The following DPY19L2 variants were observed in gnomAD, a reference collection of about 807,000 sequenced individuals.
DPY19L2 encodes probable C-mannosyltransferase DPY19L2.
DPY19L2 carries 34 observed loss-of-function variants against 97.9 expected under a neutral mutation model. That is an observed-to-expected ratio of 0.35 (90% CI 0.26 to 0.46). The LOEUF (loss-of-function observed/expected upper bound fraction) is 0.46, where lower values mean the gene tolerates loss of function less well. DPY19L2 is among the 20% of genes least tolerant of loss of function. DPY19L2 has a pLI of 1.00. For missense variants in DPY19L2, 623 were observed against 911.4 expected, an observed-to-expected ratio of 0.68 and a Z score of 4.07; for synonymous variants, 230 against 307.9, an observed-to-expected ratio of 0.75 and a Z score of 2.65.
At chr12:63,627,992 T>C (rs1427609114) in intron 6 of DPY19L2, among the ~76,000 whole-genome samples, 4 of 152,012 alleles carry the variant, frequency 2.6e-5, no homozygotes, top group Admixed American at 1.3e-4. Context: ...GAGGAAGAAA[T>C]TGAAAGAAAG....
In DPY19L2 at chr12:63,668,262, G is replaced by T; in HGVS notation, c.132C>A (p.Gly44=). 1 of 1,613,824 alleles carries T rather than the reference G, an allele frequency of 6.2e-7. No individual in the cohort carries two copies. Among genetic ancestry groups the T allele is most frequent in the Non-Finnish European group, 8.5e-7 (1 of 1,179,854 alleles). ...EEEMEKSALG[G]GKLPRGSWRS... ...TCCAGGAGCCCCTTGGCAGTTTCCC[G>T]CCGCCTAGGGCCGACTTTTCCATCT... The change falls in exon 1 of 22, where the codon GGC becomes GGA. Residue 44 remains glycine (G), a synonymous_variant. Transcript: ENST00000324472.
intron 6 of DPY19L2, 135 bp from the exon 7 acceptor site, chr12:63,626,661 C>G: frequency 8.5e-7 from 1 of 1,176,046 alleles, no homozygotes; most frequent in East Asian, 2.7e-5. Flanking sequence ...TAAACCATAC[C>G]CATGTGGTTG....
At chr12:63,649,450 G>C (rs1371998466) in intron 4 of DPY19L2, among the ~76,000 whole-genome samples, 2 of 151,930 alleles carry the variant, frequency 1.3e-5, no homozygotes, top group African/African-American at 4.8e-5. Context: ...TAAAGAAAAA[G>C]AGAGAGAAGA....
chr12:63,622,800 C>T (rs1888897438), intron 8 of DPY19L2, among the ~76,000 whole-genome samples: 1 of 152,028 alleles, frequency 6.6e-6, no homozygotes, highest in Non-Finnish European at 1.5e-5. Context: ...GTGGCGTGCA[C>T]CTGTAATCCC....
At chr12:63,630,882 G>A (rs1386651651) in intron 6 of DPY19L2, among the ~76,000 whole-genome samples, 2 of 152,134 alleles carry the variant, frequency 1.3e-5, no homozygotes, top group African/African-American at 4.8e-5. Flanking sequence ...AGACGGCAGT[G>A]CAATCAAACT....
chr12:63,598,946 G>A (rs1456698234), intron 13 of DPY19L2, among the ~76,000 whole-genome samples: 4 of 151,596 alleles, frequency 2.6e-5, no homozygotes, highest in Non-Finnish European at 4.4e-5. Flanking sequence ...GCCCAGGCAG[G>A]CGGATCACTT....
rs980257427 is a variant in DPY19L2 at position 63,663,982 on chromosome 12, T to C, written c.363-137A>G. The C allele has an allele frequency of 3.4e-5, 21 of 625,016 alleles. No homozygotes were observed. The African/African-American group carries it at 4.0e-4, about 12-fold the overall frequency. 38.7% of individuals were successfully genotyped at this position (625,016 alleles called of 1,614,324 possible). On this transcript the variant is annotated intron_variant, in intron 2 of 21. Transcript: ENST00000324472. Reference sequence around the variant, plus strand: ...TATAATTTGCTTACTAACTTGTATGTTTTTCAGCATTTATAATCCAGTATG... The same window carrying C: ...TATAATTTGCTTACTAACTTGTATGCTTTTCAGCATTTATAATCCAGTATG...
At position 63,582,618 on chromosome 12, in the gene DPY19L2, G is replaced by C. The variant is rs1232426252; in HGVS notation, c.1606-93C>G. On this transcript the variant is annotated intron_variant, in intron 17 of 21. Transcript: ENST00000324472. ...AAAACTATATTATTCATTAAGACAA[G>C]GATCTTCTAACTTAGTAATAAGCCT... 20 of 1,316,106 alleles carry C rather than the reference G, an allele frequency of 1.5e-5. No individual in the cohort carries two copies. The African/African-American group carries it at 2.2e-4, about 15-fold the overall frequency. The allele number at this position is 1,316,106 out of a possible 1,614,324, so 81.5% of individuals were successfully genotyped here.
At chr12:63,600,643 T>C (rs1043831812) in intron 12 of DPY19L2, among the ~76,000 whole-genome samples, 4 of 113,714 alleles carry the variant, frequency 3.5e-5, no homozygotes, top group African/African-American at 1.0e-4. Context: ...TCTTAAGGAG[T>C]GAAAGGTTAA....
chr12:63,655,454 T>C (rs925586550), intron 4 of DPY19L2, among the ~76,000 whole-genome samples: 1 of 152,126 alleles, frequency 6.6e-6, no homozygotes, highest in African/African-American at 2.4e-5. Flanking sequence ...CAACTCCATA[T>C]TCCAGGAAGT....
chr12:63,642,520 A>G (rs142172151), intron 6 of DPY19L2, among the ~76,000 whole-genome samples: 12 of 152,194 alleles, frequency 7.9e-5, no homozygotes, highest in Admixed American at 2.0e-4. Context: ...TCCTTGCTCC[A>G]TATGATCTCC....
chr12:63,583,800 T>C lies in DPY19L2; in HGVS notation c.1605+12A>G, dbSNP rs370598451. The C allele has an allele frequency of 3.1e-6, 5 of 1,610,410 alleles. No homozygotes were observed. The African/African-American group carries it at 6.7e-5, about 22-fold the overall frequency. ...TACACAAGTCTACCAGAGATTAAAA[T>C]GAAAGCTTTACCTCACTGTGTTCAA... On this transcript the variant is annotated intron_variant, in intron 17 of 21. Coordinates refer to ENST00000324472, the MANE Select transcript of DPY19L2 (RefSeq NM_173812.5).
intron 6 of DPY19L2, among the ~76,000 whole-genome samples, chr12:63,642,715 C>T (rs971612679): frequency 2.0e-5 from 3 of 151,720 alleles, no homozygotes; most frequent in East Asian, 1.9e-4. Flanking sequence ...CTTCATAATA[C>T]AGCAACAATT....
chr12:63,629,236 C>A (rs1486915579), intron 6 of DPY19L2, among the ~76,000 whole-genome samples: 2 of 152,046 alleles, frequency 1.3e-5, no homozygotes, highest in African/African-American at 4.8e-5. Context: ...GACGAGTTGA[C>A]AGAAGAAGGC....
chr12:63,575,792 C>A (rs952329426), intron 19 of DPY19L2, among the ~76,000 whole-genome samples: 1 of 151,894 alleles, frequency 6.6e-6, no homozygotes, highest in Non-Finnish European at 1.5e-5. Flanking sequence ...GAGATCAAAT[C>A]TCTAATCAAA....
intron 12 of DPY19L2, among the ~76,000 whole-genome samples, chr12:63,607,786 C>T (rs1371990754): frequency 6.6e-6 from 1 of 152,068 alleles, no homozygotes; most frequent in African/African-American, 2.4e-5. Context: ...GCTCATGCCA[C>T]CATGCCCAAC....
At chr12:63,605,436 TC>T (rs1426637282) in intron 12 of DPY19L2, among the ~76,000 whole-genome samples, 1 of 152,204 alleles carries the variant, frequency 6.6e-6, no homozygotes, top group Non-Finnish European at 1.5e-5. Context: ...GTGGTGTTTT[TC>T]TGTGCGTTCT....
chr12:63,588,541 A>T (rs1000181616), intron 16 of DPY19L2, among the ~76,000 whole-genome samples: 7 of 152,226 alleles, frequency 4.6e-5, no homozygotes, highest in African/African-American at 1.4e-4. Flanking sequence ...ATTCTTACCA[A>T]ATTTTAAAAA....
At chr12:63,638,247 A>G (rs547036149) in intron 6 of DPY19L2, among the ~76,000 whole-genome samples, 2 of 152,306 alleles carry the variant, frequency 1.3e-5, no homozygotes, top group African/African-American at 4.8e-5. Context: ...CCCACAGCCA[A>G]TATCATACTG....
Sources: gnomAD v4.1 joint callset for allele counts (sites outside exome capture counted in the v4.1 genomes callset) on GRCh38, gnomAD v4.1.1 for gene constraint, MANE v1.5 for transcripts, NCBI Gene and HGNC (gene_info 2026-07-23, HGNC 2026-07-21) for gene names.